Variants in GRM7 observed in about 807,000 individuals in gnomAD.
GRM7 encodes the protein glutamate metabotropic receptor 7.
GRM7 carries 35 observed loss-of-function variants against 84.5 expected under a neutral mutation model. The observed-to-expected ratio is 0.41, with a 90% CI of 0.32 to 0.55. The LOEUF is 0.55. Ranked by LOEUF, GRM7 falls within the 20% of genes least tolerant of loss-of-function variation. GRM7 has a pLI of 0.19. For missense variants in GRM7, 1,003 were observed against 1,194.6 expected, an observed-to-expected ratio of 0.84 and a Z score of 2.36; for synonymous variants, 487 against 455.1, an observed-to-expected ratio of 1.07 and a Z score of -0.89.
intron 1 of GRM7, among the ~76,000 whole-genome samples, chr3:6,941,197 T>C (rs1176532565): frequency 1.3e-5 from 2 of 152,182 alleles, no homozygotes; most frequent in African/African-American, 4.8e-5. Context: ...CACACATTAG[T>C]TTCCAAACTG....
chr3:6,954,828 A>G (rs1692957993), intron 1 of GRM7, among the ~76,000 whole-genome samples: 2 of 152,238 alleles, frequency 1.3e-5, no homozygotes, highest in East Asian at 1.9e-4. Context: ...AAATGTTATT[A>G]TAATTAATAT....
At chr3:7,133,643 G>A (rs980539778) in intron 1 of GRM7, among the ~76,000 whole-genome samples, 1 of 152,162 alleles carries the variant, frequency 6.6e-6, no homozygotes, top group African/African-American at 2.4e-5. Flanking sequence ...TGAGATGCTG[G>A]CTCTTGAGGC....
intron 3 of GRM7, among the ~76,000 whole-genome samples, chr3:7,304,295 TC>T (rs1700110516): frequency 2.2e-5 from 1 of 46,060 alleles, no homozygotes; most frequent in Non-Finnish European, 7.2e-5. Flanking sequence ...TGCTCCATCA[TC>T]CATCATCCAT....
chr3:7,273,733 G>A (rs1424061079), intron 2 of GRM7, among the ~76,000 whole-genome samples: 1 of 151,710 alleles, frequency 6.6e-6, no homozygotes, highest in Admixed American at 6.6e-5. Context: ...TAATCTATAC[G>A]AGTCTTTAAA....
At chr3:7,449,462 A>G (rs1296096578) in intron 5 of GRM7, among the ~76,000 whole-genome samples, 1 of 152,180 alleles carries the variant, frequency 6.6e-6, no homozygotes, top group Non-Finnish European at 1.5e-5. Context: ...TTCTTTCTGA[A>G]GATAATGGTT....
At chr3:6,993,412 G>A (rs573195553) in intron 1 of GRM7, among the ~76,000 whole-genome samples, 5 of 152,250 alleles carry the variant, frequency 3.3e-5, no homozygotes, top group Admixed American at 6.5e-5. Context: ...CATTCCCAGA[G>A]GTGTAGACAG....
At chr3:7,471,961 G>A (rs1698719833) in intron 7 of GRM7, among the ~76,000 whole-genome samples, 2 of 152,178 alleles carry the variant, frequency 1.3e-5, no homozygotes, top group Non-Finnish European at 1.5e-5. Context: ...TGTTGGGAGG[G>A]GGACCTAAAG....
chr3:6,968,694 T>C (rs2125090763), intron 1 of GRM7, among the ~76,000 whole-genome samples: 1 of 152,320 alleles, frequency 6.6e-6, no homozygotes, highest in Non-Finnish European at 1.5e-5. Context: ...TACCCAAGAC[T>C]TTTGTGCTCC....
chr3:7,123,962 T>C (rs115393678), intron 1 of GRM7, among the ~76,000 whole-genome samples: 469 of 152,272 alleles, frequency 3.1e-3, no homozygotes, highest in Middle Eastern at 0.01. Flanking sequence ...ATTTTGTCCT[T>C]TGCCTAATTA....
intron 1 of GRM7, among the ~76,000 whole-genome samples, chr3:6,869,995 C>G (rs74285809): frequency 0.072 from 10,978 of 152,048 alleles, 501 homozygotes; most frequent in East Asian, 0.18. Context: ...TAAAAGCTCT[C>G]TCTCTCCTTC....
At chr3:7,247,192 G>A (rs1697795795) in intron 2 of GRM7, among the ~76,000 whole-genome samples, 1 of 152,032 alleles carries the variant, frequency 6.6e-6, no homozygotes, top group African/African-American at 2.4e-5. Context: ...AACCTATGAA[G>A]TTTTAGGAAA....
chr3:7,612,630 G>A (rs1696895297), intron 8 of GRM7, among the ~76,000 whole-genome samples: 1 of 152,184 alleles, frequency 6.6e-6, no homozygotes, highest in Non-Finnish European at 1.5e-5. Flanking sequence ...ATGAAGTTGA[G>A]GTTCAGACTT....
chr3:7,507,799 G>T (rs560592073), intron 7 of GRM7, among the ~76,000 whole-genome samples: 2 of 151,984 alleles, frequency 1.3e-5, no homozygotes, highest in East Asian at 3.9e-4. Flanking sequence ...AAAATTTGGG[G>T]CTCAGTTTTA....
At chr3:7,432,165 A>T (rs1696857040) in intron 5 of GRM7, among the ~76,000 whole-genome samples, 1 of 152,230 alleles carries the variant, frequency 6.6e-6, no homozygotes, top group South Asian at 2.1e-4. Flanking sequence ...CAAGAAAAGA[A>T]TGTCTTCTTT....
At chr3:7,677,284 A>AACC (rs1553635849) in intron 8 of GRM7, among the ~76,000 whole-genome samples, 72 of 149,244 alleles carry the variant, frequency 4.8e-4, no homozygotes, top group African/African-American at 1.7e-3. Context: ...AAAAAAAAAA[A>AACC]AAAAAAAAAA....
In GRM7 at chr3:6,927,467, A is replaced by AAAGAAAGAAAGAAAGAAAGAAAGAT. The variant is rs1559333306; in HGVS notation, c.519+65561_519+65562insAGAAAGAAAGAAAGAAAGAAAGATA. On this transcript the variant is annotated intron_variant, in intron 1 of 9. Transcript: ENST00000357716. Reference sequence around the variant, plus strand: ...AAGAGAAGAAAGAAAGAGAGAGAGAAAGAAAGAAAGAAAGAAAGAAAGAAA... The same window carrying AAAGAAAGAAAGAAAGAAAGAAAGAT: ...AAGAGAAGAAAGAAAGAGAGAGAGAAAAGAAAGAAAGAAAGAAAGAAAGATAGAAAGAAAGAAAGAAAGAAAGAAA... Among the ~76,000 whole-genome samples, 54 of 41,702 alleles carry AAAGAAAGAAAGAAAGAAAGAAAGAT rather than the reference A, an allele frequency of 1.3e-3. 1 individual carries two copies. The highest frequency in any genetic ancestry group is 2.6e-3 in the Non-Finnish European group (38 of 14,694). 27.4% of individuals were successfully genotyped at this position (41,702 alleles called of 152,430 possible). A position where few individuals can be genotyped will look rare whatever the true frequency, so the allele number is the denominator to read the frequency against.
intron 1 of GRM7, among the ~76,000 whole-genome samples, chr3:6,935,596 CATG>C (rs1415100199): frequency 6.6e-6 from 1 of 151,362 alleles, no homozygotes. Context: ...TGCCAGCTGG[CATG>C]ATATTATGGT....
chr3:7,402,994 A>G (rs1453690174), intron 4 of GRM7: 1 of 206,546 alleles, frequency 4.8e-6, no homozygotes, highest in Non-Finnish European at 1.0e-5. Flanking sequence ...ATATAAGTTT[A>G]GATGTTGAGC....
intron 8 of GRM7, among the ~76,000 whole-genome samples, chr3:7,677,748 A>G (rs565853838): frequency 1.3e-5 from 2 of 152,330 alleles, no homozygotes; most frequent in African/African-American, 4.8e-5. Flanking sequence ...TGTTAAGAAA[A>G]AGTATGTATG....
Sources: allele counts gnomAD v4.1 joint callset (sites outside exome capture counted in the v4.1 genomes callset), GRCh38; gene constraint gnomAD v4.1.1; transcripts MANE v1.5; gene names NCBI Gene and HGNC (gene_info 2026-07-23, HGNC 2026-07-21).